The following BICD2 variants were observed in gnomAD, a reference collection of about 807,000 sequenced individuals.
BICD2 encodes protein bicaudal D homolog 2.
Under a neutral mutation model 72.9 loss-of-function variants are expected in BICD2, and 25 were observed. The ratio of observed to expected loss-of-function variants is 0.34; its 90% CI spans 0.25 to 0.48. The LOEUF (loss-of-function observed/expected upper bound fraction) is 0.48, where lower values mean the gene tolerates loss of function less well. Ranked by LOEUF, BICD2 falls within the 20% of genes least tolerant of loss-of-function variation. The pLI, the probability that BICD2 is intolerant of heterozygous loss-of-function variation, is 0.99. For synonymous variants in BICD2, 501 were observed against 516.1 expected (o/e 0.97, Z 0.40); for missense variants, 894 against 1,175.2 (o/e 0.76, Z 3.50).
chr9:92,713,856 GA>G lies in BICD2; in HGVS notation c.*1297del. ...GAACGCGCAGGGCAGAGAGCTGTGG[GA>G]GGGGGCAACACGGTCTCTCACCAGG... On this transcript the variant is annotated 3_prime_UTR_variant, in exon 7 of 7. Coordinates refer to ENST00000356884, the MANE Select transcript of BICD2 (RefSeq NM_001003800.2). 1 of 1,042,376 alleles carries G rather than the reference GA, an allele frequency of 9.6e-7. No individual in the cohort carries two copies. The highest frequency in any genetic ancestry group is 1.7e-5 in the African/African-American group (1 of 59,698). The allele number at this position is 1,042,376 out of a possible 1,614,324, so 64.6% of individuals were successfully genotyped here. A position where few individuals can be genotyped will look rare whatever the true frequency, so the allele number is the denominator to read the frequency against.
At chr9:92,716,604 G>A (rs1587666851) in intron 6 of BICD2, among the ~76,000 whole-genome samples, 1 of 152,238 alleles carries the variant, frequency 6.6e-6, no homozygotes, top group African/African-American at 2.4e-5. Flanking sequence ...TAGGTTATCT[G>A]CTGGGCCCAT....
chr9:92,757,106 G>T (rs987570202), intron 1 of BICD2, among the ~76,000 whole-genome samples: 1 of 151,768 alleles, frequency 6.6e-6, no homozygotes, highest in Non-Finnish European at 1.5e-5. Context: ...CTGAACTCAG[G>T]AATTCAAGAC....
intron 6 of BICD2, among the ~76,000 whole-genome samples, chr9:92,717,245 C>T (rs532015651): frequency 2.6e-5 from 4 of 152,208 alleles, no homozygotes; most frequent in Non-Finnish European, 5.9e-5. Context: ...TCCCCTGAAG[C>T]TATGCAACTC....
intron 1 of BICD2, among the ~76,000 whole-genome samples, chr9:92,763,602 A>G (rs978229601): frequency 1.3e-5 from 2 of 152,204 alleles, no homozygotes; most frequent in African/African-American, 4.8e-5. Context: ...AAACAACGCT[A>G]TGGAGTCAGG....
Position 92,714,218 on chromosome 9 carries a change from C to T in BICD2, c.*936G>A. Reference sequence around the variant, plus strand: ...TGGATACACCTGTGGGTGTCCAACCCAGCCAAGCCCTTGGTGGCTCAGACT... The same window carrying T: ...TGGATACACCTGTGGGTGTCCAACCTAGCCAAGCCCTTGGTGGCTCAGACT... On this transcript the variant is annotated 3_prime_UTR_variant, in exon 7 of 7. Coordinates refer to ENST00000356884, the MANE Select transcript of BICD2 (RefSeq NM_001003800.2). 1 of 985,504 alleles carries T rather than the reference C, an allele frequency of 1.0e-6. No individual in the cohort carries two copies. The highest frequency in any genetic ancestry group is 1.2e-6 in the Non-Finnish European group (1 of 829,968). The allele number at this position is 985,504 out of a possible 1,614,324, so 61.0% of individuals were successfully genotyped here. A position where few individuals can be genotyped will look rare whatever the true frequency, so the allele number is the denominator to read the frequency against.
intron 1 of BICD2, among the ~76,000 whole-genome samples, chr9:92,757,877 T>C (rs937586803): frequency 3.3e-5 from 5 of 152,210 alleles, no homozygotes; most frequent in African/African-American, 7.2e-5. Flanking sequence ...CCTTTGATTA[T>C]GTGGAAACAT....
intron 1 of BICD2, among the ~76,000 whole-genome samples, chr9:92,731,558 C>T (rs753109132): frequency 4.0e-4 from 61 of 151,940 alleles, no homozygotes; most frequent in Non-Finnish European, 1.6e-4. Context: ...ATCATGGGCA[C>T]TAGATAGTGA....
At chr9:92,760,099 C>T (rs1424196225) in intron 1 of BICD2, among the ~76,000 whole-genome samples, 6 of 152,196 alleles carry the variant, frequency 3.9e-5, no homozygotes, top group Admixed American at 3.3e-4. Flanking sequence ...CCGCAAGCTC[C>T]TGGGAGACCA....
chr9:92,715,565 A>G (rs1853292655), intron 6 of BICD2, 102 bp from the exon 7 acceptor site: 5 of 1,192,726 alleles, frequency 4.2e-6, no homozygotes, highest in Non-Finnish European at 4.7e-6. Context: ...GCCCTATACC[A>G]GAGCCATCCT....
chr9:92,737,152 G>C (rs987876911), intron 1 of BICD2, among the ~76,000 whole-genome samples: 2 of 152,218 alleles, frequency 1.3e-5, no homozygotes, highest in Non-Finnish European at 2.9e-5. Flanking sequence ...CTATGTGACT[G>C]TGGTGGGCGC....
rs561628503 is a variant in BICD2 at position 92,714,756 on chromosome 9, C to T, written c.*398G>A. On this transcript the variant is annotated 3_prime_UTR_variant, in exon 7 of 7. Coordinates refer to ENST00000356884, the MANE Select transcript of BICD2 (RefSeq NM_001003800.2). Reference sequence around the variant, plus strand: ...TTCTAGTGCTGACATTAGACACATGCGAGGAACATGCAAGTCTCAACTCAG... The same window carrying T: ...TTCTAGTGCTGACATTAGACACATGTGAGGAACATGCAAGTCTCAACTCAG... 3.0e-5 allele frequency: 30 copies of T among 1,014,470 alleles called. No homozygotes were observed. In the African/African-American group the frequency reaches 4.3e-4, roughly 14 times the overall value. 62.8% of individuals were successfully genotyped at this position (1,014,470 alleles called of 1,614,324 possible).
At position 92,714,609 on chromosome 9, in the gene BICD2, T is replaced by C. The variant is rs1413732873; in HGVS notation, c.*545A>G. On this transcript the variant is annotated 3_prime_UTR_variant, in exon 7 of 7. Transcript: ENST00000356884. ...AGAAATTCTGCACTTCTTTCCTGAA[T>C]ATGATTTGCAGTCAGATACTGCATA... The C allele has an allele frequency of 1.0e-6, 1 of 985,518 alleles. No individual in the cohort carries two copies. Among genetic ancestry groups the C allele is most frequent in the Non-Finnish European group, 1.2e-6 (1 of 830,086 alleles). The allele number at this position is 985,518 out of a possible 1,614,324, so 61.0% of individuals were successfully genotyped here.
At position 92,715,349 on chromosome 9, in the gene BICD2, C is replaced by T. The variant is rs572517685; in HGVS notation, c.2373G>A (p.Ala791=). 7 of 1,613,124 alleles carry T rather than the reference C, an allele frequency of 4.3e-6. No homozygotes were observed. In the East Asian group the frequency reaches 6.7e-5, roughly 15 times the overall value. The change falls in exon 7 of 7, where the codon GCG becomes GCA. Residue 791 remains alanine (A), a synonymous_variant. Coordinates refer to ENST00000356884, the MANE Select transcript of BICD2 (RefSeq NM_001003800.2). The part of the protein sequence containing the change: ...LLRMAIQQKL[A]LTQRLELLEL... Reference sequence around the variant, plus strand: ...CGAGCAGCTCCAGCCGCTGGGTCAGCGCCAGCTTCTGCTGGATGGCCATGC... The same window carrying T: ...CGAGCAGCTCCAGCCGCTGGGTCAGTGCCAGCTTCTGCTGGATGGCCATGC...
chr9:92,733,080 C>T (rs1853707334), intron 1 of BICD2, among the ~76,000 whole-genome samples: 1 of 152,104 alleles, frequency 6.6e-6, no homozygotes, highest in Non-Finnish European at 1.5e-5. Flanking sequence ...TGAGAGAACT[C>T]ACAATTTCAA....
At chr9:92,749,903 G>A (rs12236747) in intron 1 of BICD2, among the ~76,000 whole-genome samples, 6 of 152,156 alleles carry the variant, frequency 3.9e-5, no homozygotes, top group Admixed American at 6.5e-5. Context: ...CTGTCCAGAC[G>A]GCATCTGTTC....
chr9:92,746,269 C>A (rs541838683), intron 1 of BICD2, among the ~76,000 whole-genome samples: 1 of 152,130 alleles, frequency 6.6e-6, no homozygotes, highest in African/African-American at 2.4e-5. Context: ...TGGTGGCTCA[C>A]GCCTGTAATC....
intron 5 of BICD2, 127 bp from the exon 6 acceptor site, chr9:92,718,075 C>A: frequency 2.5e-6 from 3 of 1,219,538 alleles, no homozygotes; most frequent in Middle Eastern, 2.9e-4. Flanking sequence ...TCCTGGGAGG[C>A]CCCTCCCTGT....
In BICD2 at chr9:92,718,780, C is replaced by T. The variant is rs767576124; in HGVS notation, c.1865G>A (p.Arg622Gln). 23 of 1,613,752 alleles carry T rather than the reference C, an allele frequency of 1.4e-5. No homozygotes were observed. The East Asian group carries it at 1.6e-4, about 11-fold the overall frequency. ...SLPSPLSDPRREPMNIYNLIA... is the reference protein window; with the variant it reads ...SLPSPLSDPRQEPMNIYNLIA... ...CAGGTTGTAGATGTTCATGGGCTCC[C>T]GGCGTGGGTCACTCAGGGGTGATGG... The change falls in exon 5 of 7, where the codon CGG (arginine) becomes CAG (glutamine). Residue 622 changes from arginine (R) to glutamine (Q), a missense_variant. Arg to Gln is a conservative substitution (Grantham distance 43). Around this residue, in one of 5 missense-constraint regions of BICD2, gnomAD observed 321 missense variants for 443.9 expected, o/e 0.72. Coordinates refer to ENST00000356884, the MANE Select transcript of BICD2 (RefSeq NM_001003800.2).
chr9:92,735,157 G>T (rs1457239798), intron 1 of BICD2, among the ~76,000 whole-genome samples: 3 of 152,230 alleles, frequency 2.0e-5, no homozygotes, highest in African/African-American at 7.2e-5. Context: ...CACCAGCCAG[G>T]CGCCTTGGGG....
Sources: gnomAD v4.1 joint callset for allele counts (sites outside exome capture counted in the v4.1 genomes callset) on GRCh38, gnomAD v4.1.1 for gene constraint, gnomAD v4.1.1 regional missense constraint, MANE v1.5 for transcripts, NCBI Gene and HGNC (gene_info 2026-07-23, HGNC 2026-07-21) for gene names.